Variants in SSUH2 observed in about 807,000 individuals in gnomAD.
SSUH2 encodes the protein ssu-2 homolog, also known as protein SSUH2 homolog.
In SSUH2, 47 loss-of-function variants were observed where a neutral mutation model predicts 55.3. That is an observed-to-expected ratio of 0.85 (90% CI 0.67 to 1.08). The LOEUF (loss-of-function observed/expected upper bound fraction) is 1.08. Ranked by LOEUF, SSUH2 falls within the 50% of genes least tolerant of loss-of-function variation. The pLI is 0.00. For synonymous variants in SSUH2, 212 were observed against 191.5 expected (o/e 1.11, Z -0.89); for missense variants, 535 against 490.7 (o/e 1.09, Z -0.85).
In SSUH2 at chr3:8,630,934, C is replaced by A; in HGVS notation, c.401-5G>T. 1 of 1,410,472 alleles carries A rather than the reference C, an allele frequency of 7.1e-7. No individual in the cohort carries two copies. Among genetic ancestry groups the A allele is most frequent in the Non-Finnish European group, 9.3e-7 (1 of 1,076,108 alleles). The allele number at this position is 1,410,472 out of a possible 1,614,324, so 87.4% of individuals were successfully genotyped here. ...GCGGCCCATCCACAGAGTGGTCTGA[C>A]ACAGAAAGGGGTCATTGTAAGAATG... On this transcript the variant is annotated splice_region_variant and splice_polypyrimidine_tract_variant and intron_variant, in intron 5 of 11. Transcript: ENST00000544814.
At chr3:8,635,058 G>C (rs1699680570) in intron 3 of SSUH2, among the ~76,000 whole-genome samples, 1 of 152,232 alleles carries the variant, frequency 6.6e-6, no homozygotes, top group South Asian at 2.1e-4. Flanking sequence ...TTGGCCCACA[G>C]ACAGGAGTTT....
At position 8,639,173 on chromosome 3, in the gene SSUH2, G is replaced by T. The variant is rs77641521; in HGVS notation, c.29-3316C>A. On this transcript the variant is annotated intron_variant, in intron 1 of 11. Transcript: ENST00000544814. The stretch of plus-strand genomic sequence containing the variant: ...ATGTGGACGTCACGGGGCATTGTGT[G>T]ACACCCAGCACGGGGCACTCGGAAG... Among the ~76,000 whole-genome samples the T allele has an allele frequency of 1.7e-4, 26 of 152,328 alleles. No homozygotes were observed. In the East Asian group the frequency reaches 4.4e-3, roughly 26 times the overall value.
chr3:8,668,444 G>T (rs1382128945), intron 5 of SSUH2, among the ~76,000 whole-genome samples: 1 of 152,174 alleles, frequency 6.6e-6, no homozygotes, highest in African/African-American at 2.4e-5. Context: ...AATGTTTACT[G>T]CAAATCTAAC....
chr3:8,672,679 C>A (rs1704727933), intron 3 of SSUH2, among the ~76,000 whole-genome samples: 1 of 152,028 alleles, frequency 6.6e-6, no homozygotes, highest in African/African-American at 2.4e-5. Flanking sequence ...TGTACACAGC[C>A]TGCGATATTT....
At position 8,644,794 on chromosome 3, in the gene SSUH2, C is replaced by G. The variant is rs1021214723; in HGVS notation, c.-36G>C. 3 of 1,534,934 alleles carry G rather than the reference C, an allele frequency of 2.0e-6. No homozygotes were observed. In the Admixed American group the frequency reaches 5.9e-5, roughly 30 times the overall value. The stretch of plus-strand genomic sequence containing the variant: ...TCCTGCCAAAGAGATGTCTGCCCTT[C>G]GAGTGTGCTTGGACCGATGTGCTCT... On this transcript the variant is annotated 5_prime_UTR_variant, in exon 1 of 12. Transcript: ENST00000544814.
At chr3:8,631,808 G>C (rs536133008) in intron 5 of SSUH2, among the ~76,000 whole-genome samples, 7 of 152,018 alleles carry the variant, frequency 4.6e-5, no homozygotes, top group Non-Finnish European at 8.8e-5. Context: ...TGTAGCAAAA[G>C]CAAATGCTTG....
At chr3:8,623,771 G>A (rs1696950652) in intron 10 of SSUH2, 115 bp from the exon 11 acceptor site, 1 of 595,510 alleles carries the variant, frequency 1.7e-6, no homozygotes, top group Admixed American at 3.1e-5. Context: ...GGCTGAGAGA[G>A]GGACCCACGG....
At chr3:8,663,713 T>C (rs1703719047) in intron 6 of SSUH2, 2 of 433,840 alleles carry the variant, frequency 4.6e-6, no homozygotes, top group Non-Finnish European at 9.3e-6. Context: ...TCCAAAGCTA[T>C]TGGGACACAC....
chr3:8,628,855 G>GTTTGTTT lies in SSUH2; in HGVS notation c.588+802_588+808dup, dbSNP rs112130954. Among the ~76,000 whole-genome samples the GTTTGTTT allele has an allele frequency of 7.1e-3, 1,087 of 152,186 alleles. 9 individuals are homozygous for GTTTGTTT. Among genetic ancestry groups the GTTTGTTT allele is most frequent in the African/African-American group, 0.024 (1,008 of 41,518 alleles). Reference sequence around the variant, plus strand: ...AATAGGTGTCTGGTTTGTTGCTGTTGTTTGTTTTTTGTTTTTTTGAGATGG... The same window carrying GTTTGTTT: ...AATAGGTGTCTGGTTTGTTGCTGTTGTTTGTTTTTTGTTTTTTGTTTTTTTGAGATGG... On this transcript the variant is annotated intron_variant, in intron 7 of 11. Coordinates refer to ENST00000544814, the MANE Select transcript of SSUH2 (RefSeq NM_001256748.3).
chr3:8,625,013 C>T (rs1338922427), intron 10 of SSUH2, among the ~76,000 whole-genome samples: 1 of 152,088 alleles, frequency 6.6e-6, no homozygotes, highest in Non-Finnish European at 1.5e-5. Flanking sequence ...ACACTGCCAC[C>T]CCTCCCTGCC....
At position 8,630,629 on chromosome 3, in the gene SSUH2, G is replaced by T. The variant is rs182488751; in HGVS notation, c.525+176C>A. Among the ~76,000 whole-genome samples the T allele has an allele frequency of 1.3e-4, 20 of 152,264 alleles. No individual in the cohort carries two copies. In the East Asian group the frequency reaches 3.5e-3, roughly 26 times the overall value. On this transcript the variant is annotated intron_variant, in intron 6 of 11. Transcript: ENST00000544814. ...CAGATTTGCTTGGAATTTTATTTGG[G>T]ACTACATTCCATATACCAGGTTTTA...
intron 6 of SSUH2, among the ~76,000 whole-genome samples, chr3:8,630,593 G>C (rs9835475): frequency 0.14 from 21,390 of 152,174 alleles, 4,288 homozygotes; most frequent in African/African-American, 0.45. Context: ...TGTTTGCTAG[G>C]TGAACACTCC....
At chr3:8,625,184 G>A (rs1478435195) in intron 10 of SSUH2, among the ~76,000 whole-genome samples, 3 of 152,028 alleles carry the variant, frequency 2.0e-5, no homozygotes, top group Non-Finnish European at 4.4e-5. Flanking sequence ...CCTGATATAG[G>A]AGGAGGGTCT....
At chr3:8,639,607 G>C (rs748557443) in intron 1 of SSUH2, among the ~76,000 whole-genome samples, 1 of 152,182 alleles carries the variant, frequency 6.6e-6, no homozygotes, top group Non-Finnish European at 1.5e-5. Context: ...CTTTTGTATA[G>C]AAAGGAATTT....
At chr3:8,681,000 C>T (rs1331860608) in intron 1 of SSUH2, among the ~76,000 whole-genome samples, 1 of 151,142 alleles carries the variant, frequency 6.6e-6, no homozygotes, top group South Asian at 2.1e-4. Context: ...GGACCCCCAT[C>T]GCAGTGGGGG....
In SSUH2 at chr3:8,654,876, T is replaced by C. The variant is rs149363110; in HGVS notation, c.-307+4049A>G. Among the ~76,000 whole-genome samples, 534 of 132,664 alleles carry C rather than the reference T, an allele frequency of 4.0e-3. 7 individuals are homozygous for C. Among genetic ancestry groups the C allele is most frequent in the African/African-American group, 9.9e-3 (346 of 34,886 alleles). The allele number at this position is 132,664 out of a possible 152,430, so 87.0% of individuals were successfully genotyped here. On this transcript the variant is annotated intron_variant, in intron 7 of 18. Coordinates refer to the SSUH2 transcript ENST00000317371. ...CCCCCAGATCTCAGTGTGTGGCCTC[T>C]CCAAGATCACAGTGGGTGGCCTCTT... is the stretch of plus-strand genomic sequence containing the variant.
intron 6 of SSUH2, 82 bp downstream of exon 6, chr3:8,630,723 T>G: frequency 1.4e-4 from 183 of 1,281,752 alleles, no homozygotes; most frequent in Non-Finnish European, 1.7e-4. Context: ...CTTCAAAGGA[T>G]GAGTTTGAGG....
At chr3:8,624,762 G>A (rs983155540) in intron 10 of SSUH2, among the ~76,000 whole-genome samples, 1 of 152,154 alleles carries the variant, frequency 6.6e-6, no homozygotes, top group African/African-American at 2.4e-5. Context: ...ATCGACAAAG[G>A]CAGGCAGTGG....
At chr3:8,660,775 A>G (rs1703400652) in intron 6 of SSUH2, among the ~76,000 whole-genome samples, 1 of 152,210 alleles carries the variant, frequency 6.6e-6, no homozygotes, top group African/African-American at 2.4e-5. Flanking sequence ...TCTGTAGTCA[A>G]CTTATAAAAA....
Sources: allele counts gnomAD v4.1 joint callset (sites outside exome capture counted in the v4.1 genomes callset), GRCh38; gene constraint gnomAD v4.1.1; transcripts MANE v1.5; gene names NCBI Gene and HGNC (gene_info 2026-07-23, HGNC 2026-07-21).